The following NRXN1 variants were observed in gnomAD, a reference collection of about 807,000 sequenced individuals.
NRXN1 encodes the protein neurexin 1.
A neutral mutation model predicts 150.9 loss-of-function variants in NRXN1; 39 were observed. The observed-to-expected ratio is 0.26, with a 90% CI of 0.20 to 0.34. The LOEUF (loss-of-function observed/expected upper bound fraction) is 0.34, where lower values mean the gene tolerates loss of function less well. Among genes scored for constraint, NRXN1 ranks in the 10% least tolerant of loss-of-function variants. The pLI is 1.00. For missense variants in NRXN1, 1,815 were observed against 1,949.9 expected (o/e 0.93, Z 1.30); for synonymous variants, 924 against 757.0 (o/e 1.22, Z -3.62).
In NRXN1 at chr2:50,943,681, T is replaced by A. The variant is rs1400997156; in HGVS notation, c.773-17726A>T. On this transcript the variant is annotated intron_variant, in intron 2 of 22. Coordinates refer to ENST00000401669, the MANE Select transcript of NRXN1 (RefSeq NM_001330078.2). ...AATCATCCCAATAAGAATTCCTGTT[T>A]GTGAGGACTTCTGTGTAGCTCTGGT... Among the ~76,000 whole-genome samples, 2 of 152,208 alleles carry A rather than the reference T, an allele frequency of 1.3e-5. 1 individual carries two copies. The highest frequency in any genetic ancestry group is 4.1e-4 in the South Asian group (2 of 4,832).
intron 8 of NRXN1, among the ~76,000 whole-genome samples, chr2:50,586,770 T>C (rs913498187): frequency 6.6e-6 from 1 of 152,188 alleles, no homozygotes; most frequent in East Asian, 1.9e-4. Context: ...ACCTCAACAG[T>C]TGTTGAAACC....
intron 21 of NRXN1, among the ~76,000 whole-genome samples, chr2:50,003,648 T>C (rs1684302100): frequency 1.3e-5 from 2 of 152,174 alleles, no homozygotes; most frequent in African/African-American, 4.8e-5. Flanking sequence ...GCTTCACATG[T>C]TTAACTAAAG....
rs561506079 is a variant in NRXN1 at position 50,599,405 on chromosome 2, T to A, written c.1320+20617A>T. On this transcript the variant is annotated intron_variant, in intron 8 of 22. Transcript: ENST00000401669. ...GTAATAAAGAAATATGTTTACCTGTTGAAATCTGACTTCTCGGTTCAATGC... is the reference window on the plus strand; with the variant it reads ...GTAATAAAGAAATATGTTTACCTGTAGAAATCTGACTTCTCGGTTCAATGC... 2.0e-5 allele frequency among the ~76,000 whole-genome samples: 3 copies of A among 152,354 alleles called. No individual in the cohort carries two copies. The South Asian group carries it at 6.2e-4, about 32-fold the overall frequency.
rs34919769 is a variant in NRXN1, at chr2:50,218,490, CTT to C, written c.3546+18297_3546+18298del. 6.3e-3 allele frequency among the ~76,000 whole-genome samples: 867 copies of C among 136,720 alleles called. 10 individuals are homozygous for C. Among genetic ancestry groups the C allele is most frequent in the African/African-American group, 0.02 (739 of 37,234 alleles). 89.7% of individuals were successfully genotyped at this position (136,720 alleles called of 152,430 possible). A position where few individuals can be genotyped will look rare whatever the true frequency, so the allele number is the denominator to read the frequency against. On this transcript the variant is annotated intron_variant, in intron 18 of 22. Transcript: ENST00000401669. ...GTGTTCTCCTTAAAGTTAGCACCTT[CTT>C]TTTTTTTTTTTTTTTCTTTCTCAGA...
intron 17 of NRXN1, among the ~76,000 whole-genome samples, chr2:50,299,106 G>A (rs574524312): frequency 6.6e-6 from 1 of 152,044 alleles, no homozygotes; most frequent in Non-Finnish European, 1.5e-5. Flanking sequence ...ACCCTTTCAG[G>A]AAATGGCTTA....
chr2:50,491,039 G>A lies in NRXN1; in HGVS notation c.3070+4866C>T, dbSNP rs901123285. On this transcript the variant is annotated intron_variant, in intron 15 of 22. Coordinates refer to ENST00000401669, the MANE Select transcript of NRXN1 (RefSeq NM_001330078.2). ...ACAGCAGGACCTTCCCTCCACTTCC[G>A]GTGCCATATCCTGCTCTAACGTTAA... is the stretch of plus-strand genomic sequence containing the variant. Among the ~76,000 whole-genome samples the A allele has an allele frequency of 2.8e-4, 42 of 152,060 alleles. 1 individual carries two copies. Among genetic ancestry groups the A allele is most frequent in the Admixed American group, 2.0e-3 (30 of 15,274 alleles).
chr2:50,463,483 T>C (rs529011179), intron 17 of NRXN1, among the ~76,000 whole-genome samples: 2 of 151,956 alleles, frequency 1.3e-5, no homozygotes, highest in Admixed American at 6.6e-5. Flanking sequence ...GTAATTTTAA[T>C]GCTGATTTGT....
rs2088734874 is a variant in NRXN1, at chr2:50,465,554, G to C, written c.3252C>G (p.Ser1084Arg). The C allele has an allele frequency of 6.2e-7, 1 of 1,606,800 alleles. No individual in the cohort carries two copies. The change falls in exon 17 of 23, where the codon AGC becomes AGG. Residue 1084 changes from serine to arginine, a missense_variant. Transcript: ENST00000401669. ...AACATGAGTCCTCTTGGCAGGTTGT[G>C]CTGGGCCCTGCAAAACAATCCAAAG... ...GQIERGCEGPSTTCQEDSCSN... is the reference protein window; with the variant it reads ...GQIERGCEGPRTTCQEDSCSN...
intron 17 of NRXN1, among the ~76,000 whole-genome samples, chr2:50,306,840 TG>T (rs2074660969): frequency 6.6e-6 from 1 of 152,214 alleles, no homozygotes; most frequent in South Asian, 2.1e-4. Context: ...GGTGGCTTTT[TG>T]TTTTTGTTGT....
At chr2:50,228,072 T>C (rs1269114381) in intron 18 of NRXN1, among the ~76,000 whole-genome samples, 1 of 152,080 alleles carries the variant, frequency 6.6e-6, no homozygotes, top group African/African-American at 2.4e-5. Context: ...TTCCTTGTTT[T>C]GACAGCTTGG....
rs187018233 is a variant in NRXN1 at position 50,926,221 on chromosome 2, G to A, written c.773-266C>T. Among the ~76,000 whole-genome samples, 97 of 152,056 alleles carry A rather than the reference G, an allele frequency of 6.4e-4. 1 individual carries two copies. Among genetic ancestry groups the A allele is most frequent in the African/African-American group, 2.2e-3 (91 of 41,542 alleles). The stretch of plus-strand genomic sequence containing the variant: ...TTTAAAAAAATCTTTCAACTACCCA[G>A]TATAAAGCAAACATTATTGTTATTA... On this transcript the variant is annotated intron_variant, in intron 2 of 22. Coordinates refer to ENST00000401669, the MANE Select transcript of NRXN1 (RefSeq NM_001330078.2).
intron 5 of NRXN1, among the ~76,000 whole-genome samples, chr2:50,682,676 C>T (rs1690579881): frequency 6.6e-6 from 1 of 152,136 alleles, no homozygotes. Context: ...CCATCATACT[C>T]TAATGGGCTG....
chr2:50,545,112 A>T (rs949644869), intron 9 of NRXN1, among the ~76,000 whole-genome samples: 9 of 152,216 alleles, frequency 5.9e-5, no homozygotes, highest in African/African-American at 2.2e-4. Flanking sequence ...TATGGAGAAC[A>T]GAGTAAATTG....
intron 19 of NRXN1, among the ~76,000 whole-genome samples, chr2:50,062,867 T>A (rs554913537): frequency 6.6e-6 from 1 of 152,090 alleles, no homozygotes; most frequent in African/African-American, 2.4e-5. Flanking sequence ...AGAAAAACAA[T>A]GCTATGAACC....
At chr2:51,019,047 C>G (rs1385604739) in intron 2 of NRXN1, among the ~76,000 whole-genome samples, 5 of 152,050 alleles carry the variant, frequency 3.3e-5, no homozygotes, top group Admixed American at 2.0e-4. Flanking sequence ...TGCCACAACC[C>G]TCAAATCTGA....
chr2:50,482,248 C>T (rs373774957), intron 15 of NRXN1, among the ~76,000 whole-genome samples: 71 of 152,118 alleles, frequency 4.7e-4, no homozygotes, highest in African/African-American at 1.5e-3. Flanking sequence ...GCTATGGGAG[C>T]GTGTAGAGTA....
rs754054115 is a variant in NRXN1, at chr2:49,943,765, T to C, written c.4155A>G (p.Ser1385=). 6.2e-7 allele frequency: 1 copy of C among 1,612,054 alleles called. No homozygotes were observed. Among genetic ancestry groups the C allele is most frequent in the South Asian group, 1.1e-5 (1 of 90,572 alleles). Residue 1385 remains serine (S), a synonymous_variant, in exon 22 of 23, where the codon TCA becomes TCG. Coordinates refer to ENST00000401669, the MANE Select transcript of NRXN1 (RefSeq NM_001330078.2). ...SQTTDDILVA[S]AECPSDDEDI... ...CCTCATCATCGCTGGGACACTCTGCTGAGGCCACAAGGATGTCATCTGTGG... is the reference window on the plus strand; with the variant it reads ...CCTCATCATCGCTGGGACACTCTGCCGAGGCCACAAGGATGTCATCTGTGG...
intron 17 of NRXN1, among the ~76,000 whole-genome samples, chr2:50,323,856 CA>C (rs2152976697): frequency 6.6e-6 from 1 of 152,158 alleles, no homozygotes; most frequent in South Asian, 2.1e-4. Context: ...TTCATTTTAA[CA>C]AAAGTGGATC....
chr2:50,572,468 T>C (rs1279345763), intron 8 of NRXN1, among the ~76,000 whole-genome samples: 1 of 152,200 alleles, frequency 6.6e-6, no homozygotes, highest in Non-Finnish European at 1.5e-5. Flanking sequence ...CCATCTAATA[T>C]ATGAATGATT....
Sources: allele counts gnomAD v4.1 joint callset (sites outside exome capture counted in the v4.1 genomes callset), GRCh38; gene constraint gnomAD v4.1.1; transcripts MANE v1.5; gene names NCBI Gene and HGNC (gene_info 2026-07-23, HGNC 2026-07-21).